PRIMPOL: variants seen among roughly 807,000 people sequenced by gnomAD.
PRIMPOL encodes primase and DNA directed polymerase.
Under a neutral mutation model 63.6 loss-of-function variants are expected in PRIMPOL, and 54 were observed. The observed-to-expected ratio is 0.85, with a 90% CI of 0.68 to 1.07. The LOEUF (loss-of-function observed/expected upper bound fraction) is 1.07. PRIMPOL is among the 50% of genes least tolerant of loss of function. The pLI is 0.00. For missense variants in PRIMPOL, 610 were observed against 648.3 expected (o/e 0.94, Z 0.64); for synonymous variants, 197 against 220.2 (o/e 0.89, Z 0.93).
intron 13 of PRIMPOL, among the ~76,000 whole-genome samples, chr4:184,694,029 A>C (rs562998393): frequency 4.6e-5 from 7 of 152,356 alleles, no homozygotes; most frequent in Non-Finnish European, 8.8e-5. Context: ...TACTGAAGAC[A>C]TTCTATGGTA....
intron 11 of PRIMPOL, among the ~76,000 whole-genome samples, chr4:184,688,163 T>C (rs1187916431): frequency 1.3e-5 from 2 of 152,206 alleles, no homozygotes; most frequent in African/African-American, 4.8e-5. Flanking sequence ...TCACCTAGTA[T>C]ACATGTGCTA....
At chr4:184,678,150 A>G (rs1754594902) in intron 7 of PRIMPOL, 82 bp from the exon 8 acceptor site, 2 of 759,906 alleles carry the variant, frequency 2.6e-6, no homozygotes, top group African/African-American at 1.8e-5. Flanking sequence ...TATTAATGCT[A>G]TATAAAAACT....
At chr4:184,676,110 T>A (rs1215202093) in intron 7 of PRIMPOL, among the ~76,000 whole-genome samples, 2 of 152,078 alleles carry the variant, frequency 1.3e-5, no homozygotes, top group Non-Finnish European at 2.9e-5. Context: ...CTTTTATGTT[T>A]ATGTTTAATT....
At chr4:184,685,527 G>C in intron 10 of PRIMPOL, 29 bp downstream of exon 10, 2 of 1,592,280 alleles carry the variant, frequency 1.3e-6, no homozygotes, top group East Asian at 4.5e-5. Context: ...TTTGTTAACT[G>C]TTATATGATA....
intron 3 of PRIMPOL, among the ~76,000 whole-genome samples, chr4:184,658,952 G>T (rs73011110): frequency 1.3e-5 from 2 of 150,050 alleles, no homozygotes; most frequent in Admixed American, 6.6e-5. Context: ...TTTATGTACT[G>T]GGGAATTTAC....
chr4:184,655,740 A>G (rs1257588598), intron 2 of PRIMPOL, among the ~76,000 whole-genome samples: 1 of 152,220 alleles, frequency 6.6e-6, no homozygotes, highest in East Asian at 1.9e-4. Context: ...TCAACTCAAT[A>G]AGCACAAATG....
intron 1 of PRIMPOL, among the ~76,000 whole-genome samples, chr4:184,650,192 G>T (rs1282526864): frequency 2.6e-4 from 39 of 151,410 alleles, no homozygotes; most frequent in Admixed American, 2.6e-3. Context: ...ACGCATCATA[G>T]TAGTGTACTT....
chr4:184,691,112 C>A (rs1561095260), intron 11 of PRIMPOL, among the ~76,000 whole-genome samples: 1 of 149,844 alleles, frequency 6.7e-6, no homozygotes, highest in Non-Finnish European at 1.5e-5. Flanking sequence ...CCTTATTGGA[C>A]CTTTTTTGTG....
Position 184,691,669 on chromosome 4 carries a change from T to C in PRIMPOL, c.1382T>C (p.Phe461Ser), listed in dbSNP as rs1290266556. 6.2e-7 allele frequency: 1 copy of C among 1,612,312 alleles called. No individual in the cohort carries two copies. Among genetic ancestry groups the C allele is most frequent in the Admixed American group, 1.7e-5 (1 of 60,004 alleles). ...CKAENFKSDC[F>S]PLPAEVCLLF... is the part of the protein sequence containing the mutation. ...TTTTGCTATCTTTCTGATTCAGGTT[T>C]CCCATTACCTGCTGAAGTATGTCTC... The change falls in exon 13 of 14, where the codon TTC becomes TCC. Residue 461 changes from phenylalanine (F) to serine (S), a missense_variant. This residue lies in a region of PRIMPOL where 444 missense variants were observed against 456.4 expected (regional missense o/e 0.97). Coordinates refer to ENST00000314970, the MANE Select transcript of PRIMPOL (RefSeq NM_152683.4).
chr4:184,651,444 A>G lies in PRIMPOL; in HGVS notation c.-137-579A>G, dbSNP rs549088998. 2.0e-4 allele frequency among the ~76,000 whole-genome samples: 30 copies of G among 152,274 alleles called. No individual in the cohort carries two copies. In the South Asian group the frequency reaches 4.1e-3, roughly 21 times the overall value. On this transcript the variant is annotated intron_variant, in intron 1 of 13. Transcript: ENST00000314970. ...GTTTGACAGTCCTTTTTCTGCCTCA[A>G]TAAAACTGAGAAATAGGACCCACTC...
At chr4:184,689,365 G>A (rs1435550154) in intron 11 of PRIMPOL, among the ~76,000 whole-genome samples, 1 of 147,856 alleles carries the variant, frequency 6.8e-6, no homozygotes. Context: ...CCAGGCCTAT[G>A]TATGCACTCT....
intron 4 of PRIMPOL, among the ~76,000 whole-genome samples, chr4:184,661,529 T>G (rs1579339489): frequency 6.6e-6 from 1 of 151,908 alleles, no homozygotes; most frequent in East Asian, 1.9e-4. Flanking sequence ...CAACATGGCG[T>G]AAACCCTGTC....
chr4:184,694,845 A>G lies in PRIMPOL; in HGVS notation c.*66A>G. 7.4e-7 allele frequency: 1 copy of G among 1,346,228 alleles called. No individual in the cohort carries two copies. Among genetic ancestry groups the G allele is most frequent in the Non-Finnish European group, 1.0e-6 (1 of 961,958 alleles). The allele number at this position is 1,346,228 out of a possible 1,614,324, so 83.4% of individuals were successfully genotyped here. A position where few individuals can be genotyped will look rare whatever the true frequency, so the allele number is the denominator to read the frequency against. ...GCCTGATGTCTGTGAGATTTGATAAATATATCATTCAACCTGTTTATATAA... is the reference window on the plus strand; with the variant it reads ...GCCTGATGTCTGTGAGATTTGATAAGTATATCATTCAACCTGTTTATATAA... On this transcript the variant is annotated 3_prime_UTR_variant, in exon 14 of 14. Coordinates refer to ENST00000314970, the MANE Select transcript of PRIMPOL (RefSeq NM_152683.4).
At chr4:184,693,123 GTC>G (rs1759351960) in intron 13 of PRIMPOL, among the ~76,000 whole-genome samples, 1 of 152,078 alleles carries the variant, frequency 6.6e-6, no homozygotes, top group African/African-American at 2.4e-5. Context: ...GTCTTAACAC[GTC>G]TCTCGAAAAA....
chr4:184,685,226 T>C (rs1233486409), intron 9 of PRIMPOL, among the ~76,000 whole-genome samples, 183 bp from the exon 10 acceptor site: 1 of 152,242 alleles, frequency 6.6e-6, no homozygotes, highest in African/African-American at 2.4e-5. Context: ...TTTGACCTAA[T>C]TGAGAGGTTT....
intron 8 of PRIMPOL, among the ~76,000 whole-genome samples, chr4:184,681,815 C>T (rs912664650): frequency 3.9e-5 from 6 of 152,128 alleles, no homozygotes; most frequent in Admixed American, 6.6e-5. Context: ...CTCAAGTGAT[C>T]GGCCCATCTC....
intron 7 of PRIMPOL, among the ~76,000 whole-genome samples, chr4:184,677,315 G>A (rs1754365613): frequency 1.3e-5 from 2 of 151,972 alleles, no homozygotes; most frequent in Non-Finnish European, 2.9e-5. Flanking sequence ...CTTATTGGGT[G>A]AGGAGGAGTC....
intron 11 of PRIMPOL, among the ~76,000 whole-genome samples, chr4:184,688,112 T>A (rs1353931771): frequency 6.6e-6 from 1 of 152,222 alleles, no homozygotes; most frequent in Non-Finnish European, 1.5e-5. Flanking sequence ...ACATTTGGGT[T>A]GCTATTATAA....
chr4:184,651,005 T>C (rs1263305745), intron 1 of PRIMPOL, among the ~76,000 whole-genome samples: 1 of 152,190 alleles, frequency 6.6e-6, no homozygotes, highest in Admixed American at 6.5e-5. Flanking sequence ...TTAAAGAGGT[T>C]AAGTCCCGGC....
Sources: gnomAD v4.1 joint callset for allele counts (sites outside exome capture counted in the v4.1 genomes callset) on GRCh38, gnomAD v4.1.1 for gene constraint, gnomAD v4.1.1 regional missense constraint, MANE v1.5 for transcripts, NCBI Gene and HGNC (gene_info 2026-07-23, HGNC 2026-07-21) for gene names.